FGGY: variants seen among roughly 807,000 people sequenced by gnomAD.
FGGY encodes FGGY carbohydrate kinase domain-containing protein.
FGGY carries 72 observed loss-of-function variants against 71.3 expected under a neutral mutation model. The ratio of observed to expected loss-of-function variants is 1.01; its 90% CI spans 0.84 to 1.23. The LOEUF (loss-of-function observed/expected upper bound fraction) is 1.23, where lower values mean the gene tolerates loss of function less well. Among genes scored for constraint, FGGY ranks in the 50% most tolerant of loss-of-function variants. The pLI, the probability that FGGY is intolerant of heterozygous loss-of-function variation, is 0.00. For missense variants in FGGY, 668 were observed against 682.3 expected (o/e 0.98, Z 0.23); for synonymous variants, 251 against 250.3 (o/e 1.00, Z -0.02).
intron 4 of FGGY, 77 bp downstream of exon 4, chr1:59,346,475 C>G: frequency 6.6e-7 from 1 of 1,506,642 alleles, no homozygotes; most frequent in Non-Finnish European, 9.0e-7. Context: ...AGGTACCAGG[C>G]ACCCTGCTAA....
chr1:59,756,286 A>C (rs2098290550), intron 14 of FGGY, among the ~76,000 whole-genome samples: 1 of 152,176 alleles, frequency 6.6e-6, no homozygotes, highest in Non-Finnish European at 1.5e-5. Flanking sequence ...TACTCTTAGC[A>C]TCTCTGATCT....
chr1:59,521,588 A>G (rs555382707), intron 7 of FGGY, among the ~76,000 whole-genome samples: 7 of 152,184 alleles, frequency 4.6e-5, no homozygotes, highest in Non-Finnish European at 1.0e-4. Flanking sequence ...ATGAGTAATC[A>G]TAGGCTTTAG....
At chr1:59,414,393 A>G (rs1189736803) in intron 5 of FGGY, among the ~76,000 whole-genome samples, 1 of 152,116 alleles carries the variant, frequency 6.6e-6, no homozygotes, top group Non-Finnish European at 1.5e-5. Flanking sequence ...AAGGAAGGGG[A>G]TGGATAATGC....
rs12078813 is a variant in FGGY at position 59,641,368 on chromosome 1, A to G, written c.1221+2993A>G. ...TCCCCTCAGGTGACTCTTTTCTTGC[A>G]TTGTTAAACATTTACCCATTCACTG... On this transcript the variant is annotated intron_variant, in intron 11 of 15. Transcript: ENST00000303721. The G allele has an allele frequency of 8.6e-3, 13,605 of 1,585,934 alleles. 1,773 individuals carry two copies. The African/African-American group carries it at 0.18, about 21-fold the overall frequency.
intron 14 of FGGY, among the ~76,000 whole-genome samples, chr1:59,757,397 C>G (rs2098301173): frequency 6.6e-6 from 1 of 152,194 alleles, no homozygotes; most frequent in Non-Finnish European, 1.5e-5. Flanking sequence ...CACTTAGACT[C>G]AGCCCGGAGG....
intron 6 of FGGY, among the ~76,000 whole-genome samples, chr1:59,510,318 A>G (rs182823662): frequency 1.3e-3 from 193 of 152,280 alleles, no homozygotes; most frequent in Admixed American, 4.0e-3. Flanking sequence ...ACAGAGGGTT[A>G]ATATGAAAAT....
At chr1:59,570,935 C>T (rs1474579598) in intron 8 of FGGY, among the ~76,000 whole-genome samples, 3 of 152,142 alleles carry the variant, frequency 2.0e-5, no homozygotes, top group African/African-American at 7.2e-5. Flanking sequence ...CATTTGAAAG[C>T]GTTAATTGGT....
chr1:59,363,671 G>T (rs2056046633), intron 4 of FGGY, among the ~76,000 whole-genome samples: 1 of 152,214 alleles, frequency 6.6e-6, no homozygotes, highest in African/African-American at 2.4e-5. Context: ...GGACCAGTCT[G>T]TTTGGAGAAT....
chr1:59,351,161 G>A (rs1035333203), intron 4 of FGGY, among the ~76,000 whole-genome samples: 1 of 152,212 alleles, frequency 6.6e-6, no homozygotes, highest in African/African-American at 2.4e-5. Flanking sequence ...CCATTTATGT[G>A]TTGTTTATGT....
intron 9 of FGGY, among the ~76,000 whole-genome samples, chr1:59,611,062 C>T (rs1446717248): frequency 1.3e-5 from 2 of 152,218 alleles, no homozygotes; most frequent in African/African-American, 4.8e-5. Flanking sequence ...GACCTGCCTG[C>T]CTCTGTAGAC....
intron 8 of FGGY, among the ~76,000 whole-genome samples, chr1:59,601,618 A>T (rs538658078): frequency 6.6e-6 from 1 of 152,274 alleles, no homozygotes; most frequent in South Asian, 2.1e-4. Context: ...CTAAGTCTGA[A>T]TGCAAATGTA....
chr1:59,296,917 CCTCCTCTCAGTCCCACGTGGG>C, upstream of FGGY: 1 of 152,616 alleles, frequency 6.6e-6, no homozygotes, highest in South Asian at 2.1e-4. Context: ...TGTAAGTGAC[CCTCCTCTCAGTCCCACGTGGG>C]CGCTGGGGGC....
chr1:59,499,832 A>C (rs1278013341), intron 6 of FGGY, among the ~76,000 whole-genome samples: 1 of 152,220 alleles, frequency 6.6e-6, no homozygotes, highest in Non-Finnish European at 1.5e-5. Flanking sequence ...CTATTAAAGT[A>C]CAAGTGAGTC....
chr1:59,476,338 A>G (rs1290758624), intron 6 of FGGY, among the ~76,000 whole-genome samples: 2 of 152,232 alleles, frequency 1.3e-5, no homozygotes, highest in African/African-American at 2.4e-5. Flanking sequence ...ACCAGTCTAG[A>G]CAGGTACTAC....
At chr1:59,525,435 A>G (rs2094950945) in intron 7 of FGGY, among the ~76,000 whole-genome samples, 2 of 152,316 alleles carry the variant, frequency 1.3e-5, no homozygotes, top group East Asian at 1.9e-4. Context: ...ATCCCATGAC[A>G]GTACTTCATG....
chr1:59,655,811 G>C (rs575091969), intron 11 of FGGY, among the ~76,000 whole-genome samples: 3 of 152,240 alleles, frequency 2.0e-5, no homozygotes, highest in Non-Finnish European at 4.4e-5. Context: ...ATAATTTGAG[G>C]TATTATCCCT....
At chr1:59,633,066 A>C (rs906403767) in intron 10 of FGGY, among the ~76,000 whole-genome samples, 1 of 143,970 alleles carries the variant, frequency 6.9e-6, no homozygotes, top group Non-Finnish European at 1.5e-5. Flanking sequence ...GCTGGAGTGC[A>C]GTGGCACTAT....
At chr1:59,688,429 C>G (rs1360441695) in intron 14 of FGGY, among the ~76,000 whole-genome samples, 1 of 152,180 alleles carries the variant, frequency 6.6e-6, no homozygotes. Context: ...ATCTTTTTGT[C>G]AGTTTCAAAG....
intron 1 of FGGY, among the ~76,000 whole-genome samples, chr1:59,314,583 T>C (rs1168015035): frequency 6.6e-6 from 1 of 152,234 alleles, no homozygotes; most frequent in African/African-American, 2.4e-5. Flanking sequence ...TTACCCCAAG[T>C]GAGTCAGTGG....
Sources: gnomAD v4.1 joint callset for allele counts (sites outside exome capture counted in the v4.1 genomes callset) on GRCh38, gnomAD v4.1.1 for gene constraint, MANE v1.5 for transcripts, NCBI Gene and HGNC (gene_info 2026-07-23, HGNC 2026-07-21) for gene names.